The following CAST variants were observed in gnomAD, a reference collection of about 807,000 sequenced individuals.
CAST encodes calpastatin.
In CAST, 76 loss-of-function variants were observed where a neutral mutation model predicts 119.6. The ratio of observed to expected loss-of-function variants is 0.64; its 90% confidence interval spans 0.53 to 0.77. CAST has a LOEUF of 0.77. Ranked by LOEUF, CAST falls within the 30% of genes least tolerant of loss-of-function variation. CAST has a pLI of 0.00. For synonymous variants in CAST, 319 were observed against 331.6 expected (o/e 0.96, Z 0.41); for missense variants, 953 against 946.5 (o/e 1.01, Z -0.09).
At chr5:96,642,081 A>T (rs1206139804) in intron 1 of CAST, among the ~76,000 whole-genome samples, 1 of 152,178 alleles carries the variant, frequency 6.6e-6, no homozygotes, top group Admixed American at 6.5e-5. Context: ...TACTCTCATT[A>T]TCTCCCCATG....
chr5:96,561,798 T>TTTTTTTTTTTG (rs1746373217), intron 1 of CAST, among the ~76,000 whole-genome samples: 1 of 86,628 alleles, frequency 1.2e-5, no homozygotes, highest in East Asian at 5.6e-4. Context: ...TTTTTTTTGT[T>TTTTTTTTTTTG]TTTTTTTTTT....
chr5:96,079,616 T>G, the CAST span, among the ~76,000 whole-genome samples: 1 of 152,226 alleles, frequency 6.6e-6, no homozygotes, highest in Non-Finnish European at 1.5e-5. Flanking sequence ...TTCACATCCC[T>G]AGTTCTCTCT....
the CAST span, among the ~76,000 whole-genome samples, chr5:96,241,780 A>C: frequency 1.4e-3 from 218 of 151,166 alleles, 1 homozygote; most frequent in Non-Finnish European, 2.0e-3. Context: ...ATGGTATGTC[A>C]TTGTGGTTTT....
intron 3 of CAST, among the ~76,000 whole-genome samples, chr5:96,706,350 G>A (rs554261984): frequency 5.9e-5 from 9 of 152,198 alleles, no homozygotes; most frequent in East Asian, 1.9e-4. Flanking sequence ...TTGGCCAGAC[G>A]TGATGCTAGG....
chr5:96,571,138 T>A (rs1480222662), intron 1 of CAST, among the ~76,000 whole-genome samples: 1 of 152,218 alleles, frequency 6.6e-6, no homozygotes, highest in Non-Finnish European at 1.5e-5. Flanking sequence ...ACCTGTCATC[T>A]GCAATGAGTC....
the CAST span, chr5:95,973,449 T>C: frequency 6.5e-6 from 1 of 152,842 alleles, no homozygotes; most frequent in African/African-American, 2.4e-5. Context: ...GTGGCCAGCA[T>C]GGGTGTATGA....
At chr5:96,292,337 T>C in the CAST span, among the ~76,000 whole-genome samples, 2 of 152,212 alleles carry the variant, frequency 1.3e-5, no homozygotes, top group Non-Finnish European at 2.9e-5. Flanking sequence ...CTCAGTTGTA[T>C]AACGTAAATA....
the CAST span, among the ~76,000 whole-genome samples, chr5:96,502,557 T>A: frequency 6.6e-6 from 1 of 152,068 alleles, no homozygotes; most frequent in African/African-American, 2.4e-5. Context: ...ATAAAAAAAA[T>A]TAATGCTTTT....
the CAST span, among the ~76,000 whole-genome samples, chr5:96,318,018 A>G: frequency 1.3e-5 from 2 of 152,364 alleles, no homozygotes; most frequent in Admixed American, 1.3e-4. Context: ...TAATGCTATC[A>G]TGGCGTGGTC....
At chr5:96,280,888 C>T in the CAST span, among the ~76,000 whole-genome samples, 1 of 152,090 alleles carries the variant, frequency 6.6e-6, no homozygotes, top group South Asian at 2.1e-4. Context: ...TCCTTTCAGT[C>T]CCTCCTGTAC....
At chr5:96,702,768 G>C in intron 3 of CAST, 1 of 985,482 alleles carries the variant, frequency 1.0e-6, no homozygotes, top group East Asian at 1.1e-4. Flanking sequence ...GGAGCATCCT[G>C]CGTCGCCTTC....
chr5:96,187,755 A>G, the CAST span, among the ~76,000 whole-genome samples: 14 of 152,324 alleles, frequency 9.2e-5, no homozygotes, highest in East Asian at 2.5e-3. Flanking sequence ...AAATAGTTCA[A>G]TAGTCGAGGC....
intron 18 of CAST, 34 bp from the exon 19 acceptor site, chr5:96,748,484 C>T: frequency 3.0e-6 from 3 of 1,003,980 alleles, no homozygotes; most frequent in East Asian, 2.5e-5. Context: ...AAAAAAGAGT[C>T]CCCTTGTAAT....
the CAST span, among the ~76,000 whole-genome samples, chr5:96,171,941 C>G: frequency 6.9e-6 from 1 of 144,398 alleles, no homozygotes; most frequent in South Asian, 2.5e-4. Flanking sequence ...CGCCCCTGAT[C>G]CGAGTCACGG....
At chr5:96,654,254 T>C (rs1305866542) in intron 1 of CAST, among the ~76,000 whole-genome samples, 1 of 152,102 alleles carries the variant, frequency 6.6e-6, no homozygotes, top group Non-Finnish European at 1.5e-5. Flanking sequence ...CTCAAACTCC[T>C]GACCTTTTGA....
At chr5:95,982,197 A>G in the CAST span, among the ~76,000 whole-genome samples, 1 of 152,132 alleles carries the variant, frequency 6.6e-6, no homozygotes, top group Non-Finnish European at 1.5e-5. Flanking sequence ...TATCAAAACC[A>G]AGAAGTTAAC....
Position 96,547,979 on chromosome 5 carries a change from A to C in CAST, c.60+18099A>C, listed in dbSNP as rs79117423. On this transcript the variant is annotated intron_variant, in intron 1 of 11. Transcript: ENST00000505143. The stretch of plus-strand genomic sequence containing the variant: ...TCTACATTCAAAAACTGGGCAAATA[A>C]ATACAATGTAAGTCTTTGAGCCAAC... Among the ~76,000 whole-genome samples, 626 of 116,598 alleles carry C rather than the reference A, an allele frequency of 5.4e-3. 3 individuals are homozygous for C. Among genetic ancestry groups the C allele is most frequent in the African/African-American group, 0.017 (548 of 32,000 alleles). The allele number at this position is 116,598 out of a possible 152,430, so 76.5% of individuals were successfully genotyped here.
intron 1 of CAST, among the ~76,000 whole-genome samples, chr5:96,673,710 T>G (rs1750382342): frequency 6.6e-6 from 1 of 152,232 alleles, no homozygotes; most frequent in Non-Finnish European, 1.5e-5. Context: ...AAGTCTGGCT[T>G]TTAGAAATCT....
the CAST span, among the ~76,000 whole-genome samples, chr5:96,153,965 G>A: frequency 2.6e-5 from 4 of 152,104 alleles, no homozygotes; most frequent in Non-Finnish European, 2.9e-5. Context: ...ATTATTTGAA[G>A]TCATCAATAC....
Sources: gnomAD v4.1 joint callset for allele counts (sites outside exome capture counted in the v4.1 genomes callset) on GRCh38, gnomAD v4.1.1 for gene constraint, MANE v1.5 for transcripts, NCBI Gene and HGNC (gene_info 2026-07-23, HGNC 2026-07-21) for gene names.